FRMD4A: variants seen among roughly 807,000 people sequenced by gnomAD.
The protein encoded by FRMD4A is FERM domain-containing protein 4A.
A neutral mutation model predicts 129.1 loss-of-function variants in FRMD4A; 29 were observed. The observed-to-expected ratio is 0.22, with a 90% CI of 0.17 to 0.31. The LOEUF (loss-of-function observed/expected upper bound fraction) is 0.31, where lower values mean the gene tolerates loss of function less well. Among genes scored for constraint, FRMD4A ranks in the 10% least tolerant of loss-of-function variants. The pLI is 1.00. For synonymous variants in FRMD4A, 634 were observed against 571.6 expected (o/e 1.11, Z -1.56); for missense variants, 1,272 against 1,375.8 (o/e 0.92, Z 1.19).
rs1445944361 is a variant in FRMD4A at position 13,750,179 on chromosome 10, C to T, written c.465-2360G>A. ...AGAGAAGGAAAGACAATGACCATGACCAGTGGTGTTGGTGAATCCTGACCA... is the reference window on the plus strand; with the variant it reads ...AGAGAAGGAAAGACAATGACCATGATCAGTGGTGTTGGTGAATCCTGACCA... On this transcript the variant is annotated intron_variant, in intron 8 of 24. Coordinates refer to ENST00000357447, the MANE Select transcript of FRMD4A (RefSeq NM_018027.5). Among the ~76,000 whole-genome samples, 15 of 125,134 alleles carry T rather than the reference C, an allele frequency of 1.2e-4. 1 individual carries two copies. The East Asian group carries it at 2.4e-3, about 20-fold the overall frequency. The allele number at this position is 125,134 out of a possible 152,430, so 82.1% of individuals were successfully genotyped here.
At chr10:14,133,372 T>C (rs1839367807) in intron 2 of FRMD4A, among the ~76,000 whole-genome samples, 1 of 152,208 alleles carries the variant, frequency 6.6e-6, no homozygotes, top group Non-Finnish European at 1.5e-5. Context: ...CCAAAATAAT[T>C]ACTTTTACAC....
intron 3 of FRMD4A, among the ~76,000 whole-genome samples, chr10:13,829,613 A>G (rs1012259259): frequency 6.6e-6 from 1 of 152,156 alleles, no homozygotes; most frequent in Admixed American, 6.5e-5. Flanking sequence ...CTCCTGCTCA[A>G]TTCAATGCTT....
chr10:14,039,377 TCCATCCATCCATCCATCCATCCATCC>T (rs1833659930), intron 2 of FRMD4A, among the ~76,000 whole-genome samples: 1 of 125,616 alleles, frequency 8.0e-6, no homozygotes, highest in Non-Finnish European at 1.7e-5. Flanking sequence ...CGTCCATCCA[TCCATCCATCCATCCATCCATCCATCC>T]ATCCATCTAT....
At chr10:14,108,935 C>T (rs1386205470) in intron 2 of FRMD4A, among the ~76,000 whole-genome samples, 1 of 152,170 alleles carries the variant, frequency 6.6e-6, no homozygotes, top group Non-Finnish European at 1.5e-5. Context: ...CTTCCCAGAT[C>T]TTTGTAGGTC....
At chr10:14,149,628 C>T (rs547483493) in intron 2 of FRMD4A, among the ~76,000 whole-genome samples, 8 of 152,314 alleles carry the variant, frequency 5.3e-5, no homozygotes, top group African/African-American at 1.4e-4. Flanking sequence ...CCTCAGCCTC[C>T]CAAAGCACTG....
At chr10:14,271,802 C>A (rs1016508593) in intron 2 of FRMD4A, among the ~76,000 whole-genome samples, 3 of 152,128 alleles carry the variant, frequency 2.0e-5, no homozygotes, top group South Asian at 4.2e-4. Flanking sequence ...GCATGATTTG[C>A]ATTTTTAAAA....
intron 2 of FRMD4A, among the ~76,000 whole-genome samples, chr10:13,979,560 G>A (rs891954277): frequency 2.0e-5 from 3 of 152,222 alleles, no homozygotes; most frequent in African/African-American, 7.2e-5. Flanking sequence ...GAATTTATAA[G>A]AGGTAAAAAG....
At chr10:13,810,311 T>G (rs1227000341) in intron 4 of FRMD4A, among the ~76,000 whole-genome samples, 6 of 152,218 alleles carry the variant, frequency 3.9e-5, no homozygotes, top group Non-Finnish European at 7.3e-5. Context: ...GAAAAGACCC[T>G]TGAAAGCAAA....
At chr10:14,165,676 T>C (rs937860571) in intron 2 of FRMD4A, among the ~76,000 whole-genome samples, 1 of 152,108 alleles carries the variant, frequency 6.6e-6, no homozygotes, top group Non-Finnish European at 1.5e-5. Flanking sequence ...TACACAGCCA[T>C]AAAAAGAATG....
intron 2 of FRMD4A, among the ~76,000 whole-genome samples, chr10:14,219,015 C>G (rs1474356345): frequency 7.5e-6 from 1 of 133,658 alleles, no homozygotes; most frequent in Admixed American, 7.5e-5. Context: ...TAGCTATACA[C>G]TTGGTAATCA....
chr10:14,282,348 T>C (rs1845548324), intron 2 of FRMD4A, among the ~76,000 whole-genome samples: 2 of 152,180 alleles, frequency 1.3e-5, no homozygotes, highest in Admixed American at 1.3e-4. Context: ...TTTCACAGTT[T>C]ACTAAGTCAA....
chr10:14,189,297 G>A (rs1401328351), intron 2 of FRMD4A, among the ~76,000 whole-genome samples: 4 of 152,102 alleles, frequency 2.6e-5, no homozygotes, highest in African/African-American at 7.2e-5. Context: ...GAATGGGCCC[G>A]GCGCGGTTGC....
intron 2 of FRMD4A, among the ~76,000 whole-genome samples, chr10:14,135,676 A>T (rs1218397863): frequency 6.6e-6 from 1 of 152,246 alleles, no homozygotes; most frequent in East Asian, 1.9e-4. Flanking sequence ...AACATATATG[A>T]CTATGAAGAT....
At chr10:14,256,005 C>CAA (rs34674875) in intron 2 of FRMD4A, among the ~76,000 whole-genome samples, 13,164 of 91,512 alleles carry the variant, frequency 0.14, 819 homozygotes, top group Middle Eastern at 0.22. Context: ...GCCTCCATCT[C>CAA]AAAAAAAAAA....
rs544711483 is a variant in FRMD4A at position 14,084,389 on chromosome 10, C to T, written c.46-225477G>A. Among the ~76,000 whole-genome samples, 401 of 152,270 alleles carry T rather than the reference C, an allele frequency of 2.6e-3. 2 individuals carry two copies. The highest frequency in any genetic ancestry group is 3.4e-3 in the Non-Finnish European group (232 of 68,020). On this transcript the variant is annotated intron_variant, in intron 2 of 24. Coordinates refer to ENST00000357447, the MANE Select transcript of FRMD4A (RefSeq NM_018027.5). ...CTTGAACTCCTGACCTCAAGTGATC[C>T]GCCTGCCTTGGCCCCCCAAAGTGCT...
At position 14,330,909 on chromosome 10, in the gene FRMD4A, T is replaced by C. The variant is rs75384079; in HGVS notation, c.-394A>G. 251 of 398,656 alleles carry C rather than the reference T, an allele frequency of 6.3e-4. No individual in the cohort carries two copies. Among genetic ancestry groups the C allele is most frequent in the East Asian group, 5.1e-3 (142 of 28,066 alleles). 24.7% of individuals were successfully genotyped at this position (398,656 alleles called of 1,614,324 possible). On this transcript the variant is annotated 5_prime_UTR_variant, in exon 1 of 25. Coordinates refer to ENST00000357447, the MANE Select transcript of FRMD4A (RefSeq NM_018027.5). Reference sequence around the variant, plus strand: ...CTGATCTCCCTGGCTGTACCACATGTACGCCGCATACAGACACACTCTACC... The same window carrying C: ...CTGATCTCCCTGGCTGTACCACATGCACGCCGCATACAGACACACTCTACC...
intron 2 of FRMD4A, among the ~76,000 whole-genome samples, chr10:14,254,812 C>T (rs1353175409): frequency 6.6e-6 from 1 of 151,640 alleles, no homozygotes; most frequent in Non-Finnish European, 1.5e-5. Flanking sequence ...AAAATAATAG[C>T]CTAGGTTTTA....
At chr10:14,103,278 C>T (rs574792864) in intron 2 of FRMD4A, among the ~76,000 whole-genome samples, 1 of 152,352 alleles carries the variant, frequency 6.6e-6, no homozygotes, top group South Asian at 2.1e-4. Flanking sequence ...CAAATGCATC[C>T]TCACTCAGAT....
intron 3 of FRMD4A, among the ~76,000 whole-genome samples, chr10:13,828,535 CTT>C (rs568818717): frequency 7.4e-6 from 1 of 135,238 alleles, no homozygotes. Flanking sequence ...TTCTTTCTTT[CTT>C]TTTTTTTTTT....
Sources: gnomAD v4.1 joint callset for allele counts (sites outside exome capture counted in the v4.1 genomes callset) on GRCh38, gnomAD v4.1.1 for gene constraint, MANE v1.5 for transcripts, NCBI Gene and HGNC (gene_info 2026-07-23, HGNC 2026-07-21) for gene names.